XKR9: variants seen among roughly 807,000 people sequenced by gnomAD.
XKR9 encodes the protein XK-related protein 9.
Under a neutral mutation model 32.0 loss-of-function variants are expected in XKR9, and 32 were observed. The ratio of observed to expected loss-of-function variants is 1.00; its 90% CI spans 0.76 to 1.34. XKR9 has a LOEUF of 1.34. XKR9 is among the 40% of genes most tolerant of loss of function. The pLI is 0.00. For synonymous variants in XKR9, 168 were observed against 143.4 expected, an observed-to-expected ratio of 1.17 and a Z score of -1.22; for missense variants, 546 against 429.7, an observed-to-expected ratio of 1.27 and a Z score of -2.39.
chr8:70,909,599 C>T, the XKR9 span, among the ~76,000 whole-genome samples: 118 of 151,632 alleles, frequency 7.8e-4, no homozygotes, highest in African/African-American at 2.6e-3. Flanking sequence ...GCCGAGATCT[C>T]GCCACTGCAC....
the XKR9 span, among the ~76,000 whole-genome samples, chr8:70,942,411 A>G: frequency 6.6e-6 from 1 of 152,134 alleles, no homozygotes; most frequent in Non-Finnish European, 1.5e-5. Flanking sequence ...TAGCCTTGAC[A>G]TTAATCTCTT....
intron 1 of XKR9, among the ~76,000 whole-genome samples, chr8:70,672,570 CA>C (rs1818748966): frequency 6.6e-6 from 1 of 152,030 alleles, no homozygotes; most frequent in South Asian, 2.1e-4. Context: ...CTTTGATATA[CA>C]AATAGTAGTG....
intron 2 of XKR9, among the ~76,000 whole-genome samples, chr8:70,786,527 T>G (rs1252927733): frequency 6.6e-6 from 1 of 152,168 alleles, no homozygotes; most frequent in Non-Finnish European, 1.5e-5. Flanking sequence ...TTACATAATG[T>G]CCTTTTTTTG....
the XKR9 span, among the ~76,000 whole-genome samples, chr8:70,913,468 C>A: frequency 6.6e-6 from 1 of 151,798 alleles, no homozygotes; most frequent in Admixed American, 6.6e-5. Context: ...AATAATACTC[C>A]CTCTATGTAT....
At chr8:70,669,624 G>GTT (rs1818627519) in intron 1 of XKR9, 86 bp downstream of exon 1, 1 of 110,400 alleles carries the variant, frequency 9.1e-6, no homozygotes, top group Non-Finnish European at 2.0e-5. Context: ...GTGTGTGTGT[G>GTT]TGTGTGTGTG....
the XKR9 span, among the ~76,000 whole-genome samples, chr8:70,894,290 G>T: frequency 6.6e-6 from 1 of 151,874 alleles, no homozygotes; most frequent in African/African-American, 2.4e-5. Context: ...CACAGCTGTT[G>T]TTTGGGCCCT....
At chr8:70,990,177 A>C in the XKR9 span, among the ~76,000 whole-genome samples, 1 of 152,338 alleles carries the variant, frequency 6.6e-6, no homozygotes, top group Non-Finnish European at 1.5e-5. Context: ...AGTTATTTGG[A>C]TAATCAAGTA....
the XKR9 span, among the ~76,000 whole-genome samples, chr8:70,832,865 A>G: frequency 6.6e-6 from 1 of 152,218 alleles, no homozygotes; most frequent in Non-Finnish European, 1.5e-5. Context: ...CCACCAGAAT[A>G]TAAGCCCCAC....
chr8:70,892,506 A>C, the XKR9 span, among the ~76,000 whole-genome samples: 3 of 151,988 alleles, frequency 2.0e-5, no homozygotes, highest in African/African-American at 7.2e-5. Context: ...TCCCTTGAGC[A>C]TTTCTTATAG....
At chr8:70,775,413 A>G (rs1263747165) in intron 2 of XKR9, among the ~76,000 whole-genome samples, 2 of 152,166 alleles carry the variant, frequency 1.3e-5, no homozygotes, top group African/African-American at 2.4e-5. Context: ...GAAATAGTGT[A>G]ATATCATACT....
At chr8:70,969,447 C>T in the XKR9 span, among the ~76,000 whole-genome samples, 4 of 152,160 alleles carry the variant, frequency 2.6e-5, no homozygotes, top group African/African-American at 9.7e-5. Flanking sequence ...TTCAGACCAA[C>T]AAGCCATGGA....
the XKR9 span, among the ~76,000 whole-genome samples, chr8:70,958,016 G>A: frequency 2.0e-5 from 3 of 151,896 alleles, no homozygotes; most frequent in African/African-American, 2.4e-5. Flanking sequence ...TTAAACTCTC[G>A]ATCTCAGGTG....
In XKR9 at chr8:70,763,472, A is replaced by G. The variant is rs144530989; in HGVS notation, n.353-25867A>G. 9.8e-4 allele frequency among the ~76,000 whole-genome samples: 150 copies of G among 152,294 alleles called. 1 individual carries two copies. Among genetic ancestry groups the G allele is most frequent in the South Asian group, 2.3e-3 (11 of 4,824 alleles). ...GGTAAGAATCCCCCTGTGGACTTCA[A>G]CTGAAATAGAATTTGAGAATTCATG... is the stretch of plus-strand genomic sequence containing the variant. On this transcript the variant is annotated intron_variant and non_coding_transcript_variant, in intron 2 of 3. Transcript: ENST00000520273.
At chr8:70,812,194 A>G in the XKR9 span, among the ~76,000 whole-genome samples, 13 of 152,364 alleles carry the variant, frequency 8.5e-5, no homozygotes, top group Non-Finnish European at 1.8e-4. Context: ...CAAAAACCAC[A>G]TGATTATCTC....
chr8:70,905,264 A>T, the XKR9 span, among the ~76,000 whole-genome samples: 1 of 152,148 alleles, frequency 6.6e-6, no homozygotes, highest in Non-Finnish European at 1.5e-5. Flanking sequence ...CACCAATCAG[A>T]TGTAGATTTG....
At chr8:70,700,444 C>T (rs1805478459) in intron 3 of XKR9, among the ~76,000 whole-genome samples, 1 of 152,156 alleles carries the variant, frequency 6.6e-6, no homozygotes, top group African/African-American at 2.4e-5. Flanking sequence ...TGCTAGAGGT[C>T]CACTCCAGAA....
At chr8:70,858,195 A>G in the XKR9 span, among the ~76,000 whole-genome samples, 1 of 152,226 alleles carries the variant, frequency 6.6e-6, no homozygotes, top group Non-Finnish European at 1.5e-5. Flanking sequence ...TTCAGATGAC[A>G]TGATTGTATA....
chr8:70,732,701 T>G (rs567512877), intron 4 of XKR9, among the ~76,000 whole-genome samples: 36 of 152,340 alleles, frequency 2.4e-4, no homozygotes, highest in African/African-American at 8.4e-4. Flanking sequence ...AGAGTTTGAC[T>G]AATGAGGTAC....
At chr8:70,726,104 C>T (rs929403964) in intron 4 of XKR9, among the ~76,000 whole-genome samples, 1 of 152,134 alleles carries the variant, frequency 6.6e-6, no homozygotes, top group Non-Finnish European at 1.5e-5. Context: ...CCCATCACAG[C>T]AATATGAATT....
Sources: gnomAD v4.1 joint callset for allele counts (sites outside exome capture counted in the v4.1 genomes callset) on GRCh38, gnomAD v4.1.1 for gene constraint, MANE v1.5 for transcripts, NCBI Gene and HGNC (gene_info 2026-07-23, HGNC 2026-07-21) for gene names.